UBE2V1: variants seen among roughly 807,000 people sequenced by gnomAD.
UBE2V1 encodes the protein ubiquitin conjugating enzyme E2 V1, also known as ubiquitin-conjugating enzyme E2 variant 1.
UBE2V1 carries 15 observed loss-of-function variants against 19.6 expected under a neutral mutation model. The ratio of observed to expected loss-of-function variants is 0.77; its 90% CI spans 0.51 to 1.18. UBE2V1 has a LOEUF of 1.18. Among genes scored for constraint, UBE2V1 ranks in the 50% most tolerant of loss-of-function variants. UBE2V1 has a pLI of 0.00. For missense variants in UBE2V1, 125 were observed against 184.8 expected, an observed-to-expected ratio of 0.68 and a Z score of 1.88; for synonymous variants, 60 against 60.7, an observed-to-expected ratio of 0.99 and a Z score of 0.05.
At chr20:50,109,196 T>G (rs1481297570) in intron 1 of UBE2V1, 3 of 933,150 alleles carry the variant, frequency 3.2e-6, no homozygotes, top group Non-Finnish European at 3.8e-6. Flanking sequence ...ACAACAGTAA[T>G]AGTATTCAAA....
chr20:50,115,648 A>G, upstream of UBE2V1: 1 of 1,324,328 alleles, frequency 7.6e-7, no homozygotes, highest in Admixed American at 3.2e-5. Flanking sequence ...CTTTCCTAAA[A>G]CCCCTTGGGC....
In UBE2V1 at chr20:50,088,050, A is replaced by G. The variant is rs534363993; in HGVS notation, c.172-3796T>C. On this transcript the variant is annotated intron_variant, in intron 2 of 3. Coordinates refer to ENST00000371674, the MANE Select transcript of UBE2V1 (RefSeq NM_001032288.3). ...CAGGCCCAGAGCCTGGAGATTATAA[A>G]TTTTTCCTGGGCCAAATGCATACAT... Among the ~76,000 whole-genome samples, 62 of 151,498 alleles carry G rather than the reference A, an allele frequency of 4.1e-4. 1 individual carries two copies. Among genetic ancestry groups the G allele is most frequent in the Non-Finnish European group, 5.2e-4 (35 of 67,906 alleles).
intron 2 of UBE2V1, chr20:50,096,398 C>A: frequency 1.6e-6 from 1 of 640,302 alleles, no homozygotes; most frequent in South Asian, 1.9e-5. Flanking sequence ...TTCTGAACGA[C>A]ATCTGATGGT....
At chr20:50,108,473 G>A (rs1283140769) in intron 1 of UBE2V1, among the ~76,000 whole-genome samples, 1 of 152,142 alleles carries the variant, frequency 6.6e-6, no homozygotes, top group Non-Finnish European at 1.5e-5. Flanking sequence ...CTGGAAGAAC[G>A]ATCATCCGGC....
At chr20:50,097,593 G>C (rs1199720329) in intron 1 of UBE2V1, among the ~76,000 whole-genome samples, 2 of 152,190 alleles carry the variant, frequency 1.3e-5, no homozygotes, top group African/African-American at 2.4e-5. Context: ...GGAGGAGAGA[G>C]AGATGGACTT....
In UBE2V1 at chr20:50,084,326, C is replaced by T. The variant is rs917650031; in HGVS notation, c.172-72G>A. ...TTCAAAAAGGTAGAGCTTGTGAAACCCCATTTATCCCTGACTGTAGAACTG... is the reference window on the plus strand; with the variant it reads ...TTCAAAAAGGTAGAGCTTGTGAAACTCCATTTATCCCTGACTGTAGAACTG... On this transcript the variant is annotated intron_variant, in intron 2 of 3. Coordinates refer to ENST00000371674, the MANE Select transcript of UBE2V1 (RefSeq NM_001032288.3). 4.4e-6 allele frequency: 7 copies of T among 1,605,280 alleles called. No individual in the cohort carries two copies. The African/African-American group carries it at 6.7e-5, about 15-fold the overall frequency.
upstream of UBE2V1, chr20:50,115,472 A>C: frequency 6.4e-7 from 1 of 1,560,124 alleles, no homozygotes; most frequent in Non-Finnish European, 8.7e-7. Context: ...TTGGGTTCCT[A>C]AGGTGGACTC....
chr20:50,094,514 G>A (rs551717781), intron 2 of UBE2V1, among the ~76,000 whole-genome samples: 8 of 151,668 alleles, frequency 5.3e-5, no homozygotes, highest in South Asian at 2.1e-4. Flanking sequence ...AAAATATGGC[G>A]TATCTGTACA....
At chr20:50,115,550 T>A, upstream of UBE2V1, 2 of 1,586,158 alleles carry the variant, frequency 1.3e-6, no homozygotes, top group South Asian at 1.1e-5. Context: ...TGACTTCAGG[T>A]AAGACGCTTG....
At chr20:50,109,523 G>T (rs976798135) in intron 1 of UBE2V1, among the ~76,000 whole-genome samples, 7 of 152,074 alleles carry the variant, frequency 4.6e-5, no homozygotes, top group African/African-American at 1.7e-4. Flanking sequence ...GGCTGAGACG[G>T]GCGGATCATG....
At chr20:50,113,052 C>A (rs2080873608) in intron 1 of UBE2V1, 55 bp downstream of exon 1, 2 of 781,622 alleles carry the variant, frequency 2.6e-6, no homozygotes, top group Non-Finnish European at 3.6e-6. Flanking sequence ...GGGTCCCCGG[C>A]CCCCGGCCCA....
rs747026220 is a variant in UBE2V1, at chr20:50,113,137, G to A, written c.-9C>T. On this transcript the variant is annotated 5_prime_UTR_variant, in exon 1 of 4. Coordinates refer to ENST00000371674, the MANE Select transcript of UBE2V1 (RefSeq NM_001032288.3). ...CCCGTGGTGGCTGCCATCTTGCGTC[G>A]CTCTTGCTTGAAGGCCGGCCCCTTC... The A allele has an allele frequency of 6.5e-5, 89 of 1,368,478 alleles. No individual in the cohort carries two copies. The highest frequency in any genetic ancestry group is 8.0e-5 in the Non-Finnish European group (84 of 1,047,972). The allele number at this position is 1,368,478 out of a possible 1,614,324, so 84.8% of individuals were successfully genotyped here.
intron 2 of UBE2V1, among the ~76,000 whole-genome samples, chr20:50,091,141 G>T (rs1239218216): frequency 6.6e-6 from 1 of 152,074 alleles, no homozygotes; most frequent in Non-Finnish European, 1.5e-5. Context: ...CTGCCTCCTG[G>T]GTTCAAGCGA....
chr20:50,088,785 CAAAAAAAA>C (rs10661118), intron 2 of UBE2V1, among the ~76,000 whole-genome samples: 2 of 119,616 alleles, frequency 1.7e-5, no homozygotes, highest in African/African-American at 3.1e-5. Context: ...GACCCTATCT[CAAAAAAAA>C]AAAAAAAAGT....
rs1223786958 is a variant in UBE2V1, at chr20:50,106,850, CA to C, written c.22+6256del. On this transcript the variant is annotated intron_variant, in intron 1 of 3. Transcript: ENST00000371674. ...AACTCTGTTTCAAAACCAAAAACAA[CA>C]ACAACAACAACAACAACAACAACAA... is the stretch of plus-strand genomic sequence containing the variant. Among the ~76,000 whole-genome samples, 170 of 108,248 alleles carry C rather than the reference CA, an allele frequency of 1.6e-3. 4 individuals carry two copies. The highest frequency in any genetic ancestry group is 8.3e-3 in the Middle Eastern group (2 of 240). 71.0% of individuals were successfully genotyped at this position (108,248 alleles called of 152,430 possible). A position where few individuals can be genotyped will look rare whatever the true frequency, so the allele number is the denominator to read the frequency against.
chr20:50,082,739 G>A lies in UBE2V1; in HGVS notation c.*29C>T, dbSNP rs201295239. The A allele has an allele frequency of 1.3e-4, 216 of 1,601,954 alleles. No homozygotes were observed. The highest frequency in any genetic ancestry group is 2.4e-4 in the Admixed American group (14 of 59,020). On this transcript the variant is annotated 3_prime_UTR_variant, in exon 4 of 4. Coordinates refer to ENST00000371674, the MANE Select transcript of UBE2V1 (RefSeq NM_001032288.3). ...ACTGATTAAATCGAATTGGGGGGAAGGGGAAGGGCCTGTGGTTTTTCTTTT... is the reference window on the plus strand; with the variant it reads ...ACTGATTAAATCGAATTGGGGGGAAAGGGAAGGGCCTGTGGTTTTTCTTTT...
intron 2 of UBE2V1, among the ~76,000 whole-genome samples, chr20:50,085,704 A>C (rs1366642102): frequency 6.6e-6 from 1 of 152,216 alleles, no homozygotes; most frequent in Non-Finnish European, 1.5e-5. Context: ...GAAGGCATTC[A>C]TAATATACCC....
intron 1 of UBE2V1, among the ~76,000 whole-genome samples, chr20:50,103,003 C>A (rs373114934): frequency 6.6e-6 from 1 of 152,254 alleles, no homozygotes; most frequent in African/African-American, 2.4e-5. Context: ...AAGGGTCTAA[C>A]TGTCCATTCC....
chr20:50,112,982 C>G (rs1334479285), intron 1 of UBE2V1, 125 bp downstream of exon 1: 12 of 422,788 alleles, frequency 2.8e-5, no homozygotes, highest in Non-Finnish European at 4.8e-5. Context: ...CGGTGGCTGC[C>G]GCGGAGCCCA....
Sources: gnomAD v4.1 joint callset for allele counts (sites outside exome capture counted in the v4.1 genomes callset) on GRCh38, gnomAD v4.1.1 for gene constraint, MANE v1.5 for transcripts, NCBI Gene and HGNC (gene_info 2026-07-23, HGNC 2026-07-21) for gene names.